MTARC2: variants seen among roughly 807,000 people sequenced by gnomAD.
MTARC2 encodes mitochondrial amidoxime reducing component 2.
A neutral mutation model predicts 35.6 loss-of-function variants in MTARC2; 27 were observed. The ratio of observed to expected loss-of-function variants is 0.76; its 90% CI spans 0.56 to 1.04. MTARC2 has a LOEUF of 1.04. Ranked by LOEUF, MTARC2 falls within the 50% of genes least tolerant of loss-of-function variation. The probability of loss-of-function intolerance (pLI) is 0.00; values close to 1 mark genes in which losing one functional copy is unlikely to be tolerated. For missense variants in MTARC2, 412 were observed against 432.5 expected (o/e 0.95, Z 0.42); for synonymous variants, 158 against 167.1 (o/e 0.95, Z 0.42).
chr1:220,761,226 G>C (rs2102551034), intron 2 of MTARC2, among the ~76,000 whole-genome samples: 1 of 152,350 alleles, frequency 6.6e-6, no homozygotes, highest in South Asian at 2.1e-4. Context: ...TATGGTCACA[G>C]AACTAGAGAA....
chr1:220,781,013 C>CTCTT, intron 6 of MTARC2, among the ~76,000 whole-genome samples: 1 of 149,394 alleles, frequency 6.7e-6, no homozygotes, highest in East Asian at 2.0e-4. Flanking sequence ...AAGGATTTCT[C>CTCTT]TTTTGTTTTG....
At chr1:220,752,260 G>A (rs1402391310) in intron 1 of MTARC2, among the ~76,000 whole-genome samples, 1 of 152,230 alleles carries the variant, frequency 6.6e-6, no homozygotes, top group Non-Finnish European at 1.5e-5. Context: ...TGTGCAAACA[G>A]GTTTGCCACT....
chr1:220,783,199 A>G (rs1025803955), intron 7 of MTARC2, among the ~76,000 whole-genome samples: 2 of 152,230 alleles, frequency 1.3e-5, no homozygotes, highest in East Asian at 3.8e-4. Flanking sequence ...ATGCCTTTTG[A>G]AAAATATCAG....
intron 4 of MTARC2, among the ~76,000 whole-genome samples, chr1:220,764,100 T>G (rs1244744892): frequency 1.3e-5 from 2 of 152,048 alleles, no homozygotes; most frequent in Non-Finnish European, 2.9e-5. Context: ...GCCCTAATTT[T>G]TTTTTTTTTT....
At chr1:220,758,429 T>A (rs1671341157) in intron 2 of MTARC2, among the ~76,000 whole-genome samples, 1 of 151,860 alleles carries the variant, frequency 6.6e-6, no homozygotes, top group African/African-American at 2.4e-5. Flanking sequence ...TTACCTTTTT[T>A]TTTTTTTGAG....
rs1672162590 is a variant in MTARC2 at position 220,784,535 on chromosome 1, CTGTT to C, written c.*652_*655del. 1 of 152,330 alleles carries C rather than the reference CTGTT, an allele frequency of 6.6e-6. No homozygotes were observed. The highest frequency in any genetic ancestry group is 2.1e-4 in the South Asian group (1 of 4,830). The allele number at this position is 152,330 out of a possible 1,614,324, so 9.4% of individuals were successfully genotyped here. On this transcript the variant is annotated 3_prime_UTR_variant, in exon 8 of 8. Coordinates refer to ENST00000366913, the MANE Select transcript of MTARC2 (RefSeq NM_017898.5). ...CTTTACTAAGCCACATAAAAGTAAT[CTGTT>C]TGTGTGTAACTGCCAGATATACCAC... is the stretch of plus-strand genomic sequence containing the variant.
At chr1:220,767,056 CA>C (rs1671599013) in intron 4 of MTARC2, among the ~76,000 whole-genome samples, 1 of 151,906 alleles carries the variant, frequency 6.6e-6, no homozygotes, top group South Asian at 2.1e-4. Flanking sequence ...GTCCATTTGT[CA>C]TTTTATTCCT....
At chr1:220,783,846 T>C in intron 7 of MTARC2, 73 bp from the exon 8 acceptor site, 1 of 716,812 alleles carries the variant, frequency 1.4e-6, no homozygotes, top group Non-Finnish European at 2.6e-6. Context: ...GTGACTGTTT[T>C]GTGGGAGTTT....
At chr1:220,771,743 G>C (rs1671749113) in intron 4 of MTARC2, among the ~76,000 whole-genome samples, 1 of 152,096 alleles carries the variant, frequency 6.6e-6, no homozygotes, top group Non-Finnish European at 1.5e-5. Flanking sequence ...GCGCCCACCA[G>C]GGCCTCTCGG....
At chr1:220,777,772 C>G (rs942498543) in intron 4 of MTARC2, among the ~76,000 whole-genome samples, 1 of 152,114 alleles carries the variant, frequency 6.6e-6, no homozygotes, top group Non-Finnish European at 1.5e-5. Flanking sequence ...GGCCTGCAAC[C>G]TTTATATAGC....
intron 4 of MTARC2, among the ~76,000 whole-genome samples, chr1:220,769,239 G>A (rs1225537301): frequency 6.6e-6 from 1 of 152,244 alleles, no homozygotes; most frequent in East Asian, 1.9e-4. Flanking sequence ...AGGAGAAGGA[G>A]GAGATGCTTC....
At chr1:220,754,236 C>G (rs1671215271) in intron 1 of MTARC2, 1 of 441,486 alleles carries the variant, frequency 2.3e-6, no homozygotes, top group African/African-American at 2.0e-5. Context: ...TGGCCAGCTT[C>G]CCCTCACTCT....
rs747893657 is a variant in MTARC2, at chr1:220,748,753, C to A, written c.222C>A (p.Ser74Arg). The change falls in exon 1 of 8, where the codon AGC becomes AGA. Residue 74 changes from serine (S) to arginine (R), a missense_variant. Ser to Arg is a moderately radical substitution (Grantham distance 110). Transcript: ENST00000366913. ...PVKSCKGVPV[S>R]EAECTAMGLR... ...AATCCTGCAAAGGGGTGCCGGTGAGCGAGGCTGAGTGCACGGCCATGGGGC... is the reference window on the plus strand; with the variant it reads ...AATCCTGCAAAGGGGTGCCGGTGAGAGAGGCTGAGTGCACGGCCATGGGGC... 5.6e-6 allele frequency: 9 copies of A among 1,599,928 alleles called. No individual in the cohort carries two copies. The Admixed American group carries it at 6.8e-5, about 12-fold the overall frequency.
chr1:220,772,122 C>G (rs964750622), intron 4 of MTARC2, among the ~76,000 whole-genome samples: 3 of 152,154 alleles, frequency 2.0e-5, no homozygotes, highest in African/African-American at 7.2e-5. Flanking sequence ...CATCCTGTGA[C>G]TCTGCAATAA....
intron 4 of MTARC2, among the ~76,000 whole-genome samples, chr1:220,768,445 G>C (rs1031228295): frequency 6.6e-6 from 1 of 152,132 alleles, no homozygotes; most frequent in Non-Finnish European, 1.5e-5. Context: ...TAAGGAAACT[G>C]AGACTCAGAG....
At chr1:220,750,923 G>A (rs1671108291) in intron 1 of MTARC2, among the ~76,000 whole-genome samples, 1 of 152,128 alleles carries the variant, frequency 6.6e-6, no homozygotes, top group African/African-American at 2.4e-5. Context: ...GAGACTTTGG[G>A]CGAACTTCTA....
chr1:220,755,377 A>T (rs979159247), intron 2 of MTARC2, among the ~76,000 whole-genome samples: 4 of 152,148 alleles, frequency 2.6e-5, no homozygotes, highest in Admixed American at 6.5e-5. Flanking sequence ...AAAAAAGAAG[A>T]TGTTATACCA....
Position 220,764,720 on chromosome 1 carries a change from G to A in MTARC2, c.750+1670G>A, listed in dbSNP as rs117527610. Among the ~76,000 whole-genome samples, 870 of 151,944 alleles carry A rather than the reference G, an allele frequency of 5.7e-3. 8 individuals carry two copies. In the East Asian group the frequency reaches 0.059, roughly 10 times the overall value. On this transcript the variant is annotated intron_variant, in intron 4 of 7. Coordinates refer to ENST00000366913, the MANE Select transcript of MTARC2 (RefSeq NM_017898.5). ...GGGAGGATGGCTTGAGCCCCGGGCC[G>A]GAGATTGTGCCACTGCACTCCAGTC...
At chr1:220,762,634 C>T (rs1262665061) in intron 3 of MTARC2, among the ~76,000 whole-genome samples, 1 of 152,070 alleles carries the variant, frequency 6.6e-6, no homozygotes, top group Non-Finnish European at 1.5e-5. Context: ...GGAAGGGGGT[C>T]GCTGCTGGAG....
Sources: allele counts gnomAD v4.1 joint callset (sites outside exome capture counted in the v4.1 genomes callset), GRCh38; gene constraint gnomAD v4.1.1; transcripts MANE v1.5; gene names NCBI Gene and HGNC (gene_info 2026-07-23, HGNC 2026-07-21).